The following DNAH1 variants were observed in gnomAD, a reference collection of about 807,000 sequenced individuals.
DNAH1 encodes dynein axonemal heavy chain 1.
DNAH1 carries 327 observed loss-of-function variants against 484.3 expected under a neutral mutation model. That is an observed-to-expected ratio of 0.68 (90% CI 0.62 to 0.74). DNAH1 has a LOEUF of 0.74. Among genes scored for constraint, DNAH1 ranks in the 30% least tolerant of loss-of-function variants. The pLI is 0.00. For synonymous variants in DNAH1, 2,192 were observed against 2,191.9 expected, an observed-to-expected ratio of 1.00 and a Z score of 0.00; for missense variants, 5,052 against 5,546.8, an observed-to-expected ratio of 0.91 and a Z score of 2.83.
At chr3:52,350,212 G>T in intron 15 of DNAH1, 104 bp downstream of exon 15, 1 of 1,501,190 alleles carries the variant, frequency 6.7e-7, no homozygotes, top group Admixed American at 2.0e-5. Flanking sequence ...TCAGGAGGCT[G>T]AGGGTAAGGT....
At chr3:52,349,458 G>GCA in intron 14 of DNAH1, 38 bp downstream of exon 14, 1 of 1,574,464 alleles carries the variant, frequency 6.4e-7, no homozygotes, top group Non-Finnish European at 8.7e-7. Context: ...GACCACAGCA[G>GCA]CACACACCAC....
chr3:52,386,114 G>A (rs1406136130), intron 54 of DNAH1, 46 bp from the exon 55 acceptor site: 2 of 1,567,762 alleles, frequency 1.3e-6, no homozygotes, highest in Non-Finnish European at 8.7e-7. Flanking sequence ...CTAAGATGCA[G>A]AGAAGAGAAA....
Position 52,353,077 on chromosome 3 carries a change from C to T in DNAH1, c.3028-26C>T. 1 of 1,597,676 alleles carries T rather than the reference C, an allele frequency of 6.3e-7. No individual in the cohort carries two copies. The highest frequency in any genetic ancestry group is 8.5e-7 in the Non-Finnish European group (1 of 1,170,850). The stretch of plus-strand genomic sequence containing the variant: ...GACTGGGAAGTGTCCCAAGACAGCC[C>T]CAGCCCTGCCCTCCTGTCCCTGCAG... On this transcript the variant is annotated intron_variant, in intron 18 of 77. Coordinates refer to ENST00000420323, the MANE Select transcript of DNAH1 (RefSeq NM_015512.5). This position sits in a 1 kb window ranked among gnomAD's most constrained non-coding sequence, Gnocchi z 5.0.
In DNAH1 at chr3:52,345,662, C is replaced by G; in HGVS notation, c.1612C>G (p.His538Asp). The stretch of plus-strand genomic sequence containing the variant: ...CCACTCGAGCCTCTCCAAGTACAGC[C>G]ACCTGGAGGAATTTGAGCAGATCCA... ...LFHSSLSKYSHLEEFEQIQSQ... is the reference protein window; with the variant it reads ...LFHSSLSKYSDLEEFEQIQSQ... Residue 538 changes from histidine to aspartate, a missense_variant, in exon 10 of 78, where the codon CAC (histidine) becomes GAC (aspartate). By Grantham distance (81) the His-to-Asp change is moderately conservative. Transcript: ENST00000420323. 6.2e-7 allele frequency: 1 copy of G among 1,613,230 alleles called. No individual in the cohort carries two copies. The highest frequency in any genetic ancestry group is 1.3e-5 in the African/African-American group (1 of 75,050).
rs1483270631 is a variant in DNAH1, at chr3:52,380,016, A to G, written c.7489A>G (p.Met2497Val). The G allele has an allele frequency of 6.3e-7, 1 of 1,596,014 alleles. No individual in the cohort carries two copies. The highest frequency in any genetic ancestry group is 1.7e-5 in the Admixed American group (1 of 57,364). The change falls in exon 48 of 78, where the codon ATG (methionine) becomes GTG (valine). Residue 2497 changes from methionine (M) to valine (V), a missense_variant. By Grantham distance (21) the Met-to-Val change is conservative. Around this residue, in one of 4 missense-constraint regions of DNAH1, gnomAD observed 2,929 missense variants for 3,409.4 expected, o/e 0.86. Transcript: ENST00000420323. ...GTTCGACCAGCTCCTCAAGCGCTGC[A>G]TGGAGCAGTGGGAGGTGACCTTCAA... The part of the protein sequence containing the change: ...SWFDQLLKRC[M>V]EQWEVTFNKV...
At chr3:52,377,184 C>G (rs370618748) in intron 46 of DNAH1, among the ~76,000 whole-genome samples, 1 of 152,240 alleles carries the variant, frequency 6.6e-6, no homozygotes, top group East Asian at 1.9e-4. Flanking sequence ...CCAAACCTGT[C>G]CAGAGCCAAA....
chr3:52,364,681 C>T lies in DNAH1; in HGVS notation c.5288C>T (p.Ser1763Leu), dbSNP rs61739896. ...ATGAGAGCCGTGAAAACTGTGATCT[C>T]GGCTGCTGGGAACCTCAAGCGAGAA... ...FGMRAVKTVI[S>L]AAGNLKRENP... is the part of the protein sequence containing the mutation. Residue 1763 changes from serine (S) to leucine (L), a missense_variant, in exon 33 of 78, where the codon TCG becomes TTG. By Grantham distance (145) the Ser-to-Leu change is moderately radical. This residue lies in a region of DNAH1 where 2,929 missense variants were observed against 3,409.4 expected (regional missense o/e 0.86). Coordinates refer to ENST00000420323, the MANE Select transcript of DNAH1 (RefSeq NM_015512.5). The surrounding 1 kb of genome is among the most constrained non-coding windows in gnomAD (Gnocchi z 4.2). 5,805 of 1,613,932 alleles carry T rather than the reference C, an allele frequency of 3.6e-3. 179 individuals carry two copies. In the African/African-American group the frequency reaches 0.067, roughly 19 times the overall value.
At position 52,355,203 on chromosome 3, in the gene DNAH1, G is replaced by A. The variant is rs1164883547; in HGVS notation, c.3693+148G>A. ...AGCCCCTGGCTCTCTGGCAGGCCCC[G>A]CCCTACTGCATTCAGAGGAGGGCAA... On this transcript the variant is annotated intron_variant, in intron 21 of 77. Coordinates refer to ENST00000420323, the MANE Select transcript of DNAH1 (RefSeq NM_015512.5). The surrounding 1 kb of genome is among the most constrained non-coding windows in gnomAD (Gnocchi z 4.5). 2.2e-5 allele frequency: 17 copies of A among 781,014 alleles called. No homozygotes were observed. The highest frequency in any genetic ancestry group is 3.4e-5 in the African/African-American group (2 of 58,128). The allele number at this position is 781,014 out of a possible 1,614,324, so 48.4% of individuals were successfully genotyped here.
At position 52,388,292 on chromosome 3, in the gene DNAH1, G is replaced by A. The variant is rs1412891622; in HGVS notation, c.9129G>A (p.Met3043Ile). ...CCATCTGCCAGTGGGTGCGCGCCAT[G>A]CACAAGTACCACTTTGTGGCCAAGG... ...CTSICQWVRAMHKYHFVAKAV... is the reference protein window; with the variant it reads ...CTSICQWVRAIHKYHFVAKAV... The change falls in exon 57 of 78, where the codon ATG (methionine) becomes ATA (isoleucine). Residue 3043 changes from methionine (M) to isoleucine (I), a missense_variant. Physicochemically the swap from Met to Ile is conservative, Grantham distance 10 (BLOSUM62 1). This residue lies in a region of DNAH1 where 2,929 missense variants were observed against 3,409.4 expected (regional missense o/e 0.86). Coordinates refer to ENST00000420323, the MANE Select transcript of DNAH1 (RefSeq NM_015512.5). 1.9e-6 allele frequency: 3 copies of A among 1,602,116 alleles called. No individual in the cohort carries two copies. The highest frequency in any genetic ancestry group is 4.5e-5 in the East Asian group (2 of 44,328).
chr3:52,361,582 T>C lies in DNAH1; in HGVS notation c.4875-79T>C. Reference sequence around the variant, plus strand: ...CTGAGGGCTTCCTCCCAAGTGGAGTTGGAGGGGGCCCTCAGAGGGAGGTGC... The same window carrying C: ...CTGAGGGCTTCCTCCCAAGTGGAGTCGGAGGGGGCCCTCAGAGGGAGGTGC... On this transcript the variant is annotated intron_variant, in intron 29 of 77. Transcript: ENST00000420323. This position sits in a 1 kb window ranked among gnomAD's most constrained non-coding sequence, Gnocchi z 5.6. 1 of 1,445,822 alleles carries C rather than the reference T, an allele frequency of 6.9e-7. No homozygotes were observed. Among genetic ancestry groups the C allele is most frequent in the Admixed American group, 2.0e-5 (1 of 49,334 alleles). 89.6% of individuals were successfully genotyped at this position (1,445,822 alleles called of 1,614,324 possible).
In DNAH1 at chr3:52,396,714, T is replaced by C. The variant is rs1704646329; in HGVS notation, c.11527T>C (p.Tyr3843His). The C allele has an allele frequency of 1.2e-6, 2 of 1,613,654 alleles. No homozygotes were observed. Among genetic ancestry groups the C allele is most frequent in the African/African-American group, 1.3e-5 (1 of 74,910 alleles). Residue 3843 changes from tyrosine (Y) to histidine (H), a missense_variant, in exon 72 of 78, where the codon TAT becomes CAT. Tyr to His is a moderately conservative substitution (Grantham distance 83, BLOSUM62 2). Around this residue, in one of 4 missense-constraint regions of DNAH1, gnomAD observed 853 missense variants for 899.0 expected, o/e 0.95. Coordinates refer to ENST00000420323, the MANE Select transcript of DNAH1 (RefSeq NM_015512.5). ...KFGPLGFNIP[Y>H]EFTDGDLRIC... ...TGGGCCCCTGGGCTTCAACATCCCC[T>C]ATGAGTTCACGGATGGAGATCTGCG... is the stretch of plus-strand genomic sequence containing the variant.
Position 52,353,537 on chromosome 3 carries a change from G to A in DNAH1, c.3384G>A (p.Leu1128=). 1.2e-6 allele frequency: 2 copies of A among 1,613,838 alleles called. No individual in the cohort carries two copies. The highest frequency in any genetic ancestry group is 1.7e-6 in the Non-Finnish European group (2 of 1,179,860). ...ININVRPKAN[L]TFARCLEMNL... The stretch of plus-strand genomic sequence containing the variant: ...TCAATGTCAGGCCCAAGGCCAACCT[G>A]ACCTTTGCTCGCTGCCTGGAGATGA... The change falls in exon 20 of 78, where the codon CTG becomes CTA. Residue 1128 remains leucine, a synonymous_variant. Transcript: ENST00000420323. This position sits in a 1 kb window ranked among gnomAD's most constrained non-coding sequence, Gnocchi z 5.0.
intron 11 of DNAH1, among the ~76,000 whole-genome samples, chr3:52,347,571 T>G (rs909341248): frequency 2.6e-5 from 4 of 151,970 alleles, no homozygotes; most frequent in African/African-American, 9.7e-5. Flanking sequence ...CCTGGCAACC[T>G]CAGCACAGGG....
At position 52,352,605 on chromosome 3, in the gene DNAH1, C is replaced by T. The variant is rs369702767; in HGVS notation, c.2925C>T (p.Ile975=). 53 of 1,612,720 alleles carry T rather than the reference C, an allele frequency of 3.3e-5. No individual in the cohort carries two copies. In the East Asian group the frequency reaches 6.2e-4, roughly 19 times the overall value. The change falls in exon 18 of 78, where the codon ATC becomes ATT. Residue 975 remains isoleucine (I), a synonymous_variant. Coordinates refer to ENST00000420323, the MANE Select transcript of DNAH1 (RefSeq NM_015512.5). ...IHVEISRAHE[I]ANEVRRVKKQ... ...TGGAGATTTCACGTGCACACGAGAT[C>T]GCCAACGAGGTGCGGCGTGTCAAGA... is the stretch of plus-strand genomic sequence containing the variant.
intron 14 of DNAH1, 117 bp downstream of exon 14, chr3:52,349,537 G>A (rs1673435968): frequency 4.1e-6 from 4 of 985,586 alleles, no homozygotes; most frequent in South Asian, 1.6e-5. Context: ...GTCTGTGGAT[G>A]CCCAGGCCAA....
rs1260254079 is a variant in DNAH1 at position 52,364,862 on chromosome 3, T to C, written c.5361T>C (p.Asp1787=). Residue 1787 remains aspartate (D), a synonymous_variant, in exon 34 of 78, where the codon GAT becomes GAC. Coordinates refer to ENST00000420323, the MANE Select transcript of DNAH1 (RefSeq NM_015512.5). The surrounding 1 kb of genome is among the most constrained non-coding windows in gnomAD (Gnocchi z 4.2). ...TGATCTGCCTCCGGGCCATCCGTGA[T>C]GTGAACGTGCCCAAGTTCCTGCAGG... is the stretch of plus-strand genomic sequence containing the variant. The part of the protein sequence containing the change: ...EELICLRAIR[D]VNVPKFLQED... 2 of 1,613,930 alleles carry C rather than the reference T, an allele frequency of 1.2e-6. No homozygotes were observed. The highest frequency in any genetic ancestry group is 1.7e-6 in the Non-Finnish European group (2 of 1,179,834).
chr3:52,375,946 A>G lies in DNAH1; in HGVS notation c.7160-9A>G. The G allele has an allele frequency of 6.2e-7, 1 of 1,611,722 alleles. No individual in the cohort carries two copies. The highest frequency in any genetic ancestry group is 8.5e-7 in the Non-Finnish European group (1 of 1,179,236). On this transcript the variant is annotated splice_polypyrimidine_tract_variant and intron_variant, in intron 45 of 77. Coordinates refer to ENST00000420323, the MANE Select transcript of DNAH1 (RefSeq NM_015512.5). ...CCCTGAGCCCCGTGTTTCTCCCTCC[A>G]TCCTCTAGATGGACTCCTTGGAGAA... is the stretch of plus-strand genomic sequence containing the variant.
intron 77 of DNAH1, 117 bp from the exon 78 acceptor site, chr3:52,400,208 T>C (rs1050755987): frequency 4.3e-6 from 6 of 1,410,690 alleles, no homozygotes; most frequent in Admixed American, 3.6e-5. Context: ...GGCTTCCTCT[T>C]GGGTCAGGGC....
At position 52,326,325 on chromosome 3, in the gene DNAH1, G is replaced by A; in HGVS notation, c.581+11G>A. On this transcript the variant is annotated intron_variant, in intron 4 of 77. Transcript: ENST00000420323. ...GATTGAGATCGAGAGGTACGGCTGG[G>A]TGGGCTGTGGGGAGACTGTCGGGGA... 6.2e-7 allele frequency: 1 copy of A among 1,600,416 alleles called. No individual in the cohort carries two copies.
Sources: gnomAD v4.1 joint callset for allele counts (sites outside exome capture counted in the v4.1 genomes callset) on GRCh38, gnomAD v4.1.1 for gene constraint, gnomAD v4.1.1 regional missense constraint, Gnocchi (gnomAD v3.1) non-coding constraint, MANE v1.5 for transcripts, NCBI Gene and HGNC (gene_info 2026-07-23, HGNC 2026-07-21) for gene names.